The following PPM1E variants were observed in gnomAD, a reference collection of about 807,000 sequenced individuals.
The protein encoded by PPM1E is protein phosphatase, Mg2+/Mn2+ dependent 1E, also known as protein phosphatase 1E.
In PPM1E, 20 loss-of-function variants were observed where a neutral mutation model predicts 65.9. The ratio of observed to expected loss-of-function variants is 0.30; its 90% confidence interval spans 0.21 to 0.44. The LOEUF (loss-of-function observed/expected upper bound fraction) is 0.44. Ranked by LOEUF, PPM1E falls within the 20% of genes least tolerant of loss-of-function variation. PPM1E has a pLI of 1.00. For synonymous variants in PPM1E, 352 were observed against 374.9 expected (o/e 0.94, Z 0.70); for missense variants, 713 against 953.1 (o/e 0.75, Z 3.32).
chr17:58,905,045 AC>A (rs2051542093), intron 1 of PPM1E, among the ~76,000 whole-genome samples: 1 of 150,666 alleles, frequency 6.6e-6, no homozygotes, highest in African/African-American at 2.4e-5. Flanking sequence ...CAAACAAACA[AC>A]AAAAAACAAC....
intron 1 of PPM1E, among the ~76,000 whole-genome samples, chr17:58,866,498 G>A (rs1465374223): frequency 5.9e-5 from 9 of 152,170 alleles, no homozygotes; most frequent in African/African-American, 1.9e-4. Context: ...ACGCCTTAGC[G>A]GCAACTGTTT....
chr17:58,767,890 C>T (rs2049898400), intron 1 of PPM1E, among the ~76,000 whole-genome samples: 1 of 152,056 alleles, frequency 6.6e-6, no homozygotes, highest in South Asian at 2.1e-4. Context: ...GATCCGCCCA[C>T]CTCGGCCTCC....
rs2049767030 is a variant in PPM1E, at chr17:58,756,556, C to G, written c.464+95C>G. 4.9e-6 allele frequency: 6 copies of G among 1,214,930 alleles called. No individual in the cohort carries two copies. The South Asian group carries it at 2.0e-4, about 41-fold the overall frequency. 75.3% of individuals were successfully genotyped at this position (1,214,930 alleles called of 1,614,324 possible). Reference sequence around the variant, plus strand: ...TCGGCCCCTCAAACTGCTCTCTTTTCTGCTCCTCTCCCCCGCACCCGCGCC... The same window carrying G: ...TCGGCCCCTCAAACTGCTCTCTTTTGTGCTCCTCTCCCCCGCACCCGCGCC... On this transcript the variant is annotated intron_variant, in intron 1 of 6. Transcript: ENST00000308249.
At chr17:58,899,666 G>A (rs1384056295) in intron 1 of PPM1E, 2 of 213,092 alleles carry the variant, frequency 9.4e-6, no homozygotes, top group Admixed American at 4.2e-5. Context: ...AGATGTCATC[G>A]AAGAGTACTT....
intron 1 of PPM1E, among the ~76,000 whole-genome samples, chr17:58,808,763 A>G (rs2050338437): frequency 6.6e-6 from 1 of 152,138 alleles, no homozygotes; most frequent in African/African-American, 2.4e-5. Context: ...TGTCACCCTA[A>G]AAAGAAAGCT....
chr17:58,960,897 G>A (rs2030011979), intron 2 of PPM1E, among the ~76,000 whole-genome samples: 1 of 151,960 alleles, frequency 6.6e-6, no homozygotes, highest in African/African-American at 2.4e-5. Context: ...ACATAAAAAG[G>A]ATTTAAATTT....
intron 1 of PPM1E, among the ~76,000 whole-genome samples, chr17:58,815,455 A>G (rs141974054): frequency 6.6e-6 from 1 of 152,346 alleles, no homozygotes; most frequent in African/African-American, 2.4e-5. Flanking sequence ...CTGTCATTGC[A>G]TCATTCTTGA....
intron 4 of PPM1E, 137 bp downstream of exon 4, chr17:58,969,864 G>A (rs1259337907): frequency 1.2e-6 from 1 of 821,838 alleles, no homozygotes; most frequent in Non-Finnish European, 1.9e-6. Flanking sequence ...CACAGTATTG[G>A]ATTCTGTTGT....
intron 1 of PPM1E, among the ~76,000 whole-genome samples, chr17:58,828,619 T>A (rs1320446174): frequency 6.6e-6 from 1 of 151,750 alleles, no homozygotes; most frequent in Admixed American, 6.6e-5. Flanking sequence ...CATGCACCAC[T>A]ACGCCAGGCT....
chr17:58,973,421 A>T (rs1490879935), intron 6 of PPM1E, among the ~76,000 whole-genome samples: 2 of 151,936 alleles, frequency 1.3e-5, no homozygotes, highest in Admixed American at 6.6e-5. Context: ...TCTCAAAAAA[A>T]AAAAAAAAGA....
intron 1 of PPM1E, among the ~76,000 whole-genome samples, chr17:58,824,860 G>A (rs552753633): frequency 2.0e-5 from 3 of 151,008 alleles, no homozygotes; most frequent in South Asian, 4.2e-4. Context: ...CGCCCGCCTC[G>A]GCCTCCCAAA....
intron 6 of PPM1E, among the ~76,000 whole-genome samples, chr17:58,973,951 CAAAAAAAAAAAA>C (rs34819561): frequency 2.0e-4 from 11 of 55,468 alleles, no homozygotes; most frequent in Non-Finnish European, 1.6e-4. Flanking sequence ...GACTCCATCT[CAAAAAAAAAAAA>C]AAAAAAAAAA....
At chr17:58,974,815 T>C (rs1193349738) in intron 6 of PPM1E, among the ~76,000 whole-genome samples, 1 of 152,282 alleles carries the variant, frequency 6.6e-6, no homozygotes, top group South Asian at 2.1e-4. Context: ...TCCCACTCTT[T>C]GGGAAGGTGC....
intron 1 of PPM1E, among the ~76,000 whole-genome samples, chr17:58,896,132 AAAAAG>A (rs2051413014): frequency 6.6e-6 from 1 of 151,660 alleles, no homozygotes; most frequent in African/African-American, 2.4e-5. Context: ...AAAGAAAAAG[AAAAAG>A]AAAAAGCGAA....
chr17:58,820,057 AATAAG>A (rs2050464521), intron 1 of PPM1E, among the ~76,000 whole-genome samples: 2 of 152,090 alleles, frequency 1.3e-5, no homozygotes, highest in African/African-American at 4.8e-5. Flanking sequence ...TAAATAAATA[AATAAG>A]ATAAATAAAT....
chr17:58,821,630 A>G (rs2050481303), intron 1 of PPM1E, among the ~76,000 whole-genome samples: 1 of 152,244 alleles, frequency 6.6e-6, no homozygotes, highest in Non-Finnish European at 1.5e-5. Flanking sequence ...TATAATAGAA[A>G]GAATTCCTTT....
intron 1 of PPM1E, among the ~76,000 whole-genome samples, chr17:58,909,560 A>G (rs975208448): frequency 6.6e-6 from 1 of 152,024 alleles, no homozygotes; most frequent in African/African-American, 2.4e-5. Context: ...TTTGCTTTTG[A>G]AGGAATATTG....
Position 58,757,998 on chromosome 17 carries a change from C to G in PPM1E, c.464+1537C>G, listed in dbSNP as rs576271427. 5.3e-5 allele frequency among the ~76,000 whole-genome samples: 8 copies of G among 152,130 alleles called. No homozygotes were observed. The East Asian group carries it at 1.5e-3, about 29-fold the overall frequency. On this transcript the variant is annotated intron_variant, in intron 1 of 6. Transcript: ENST00000308249. ...TTTTACAGTATTTAAAGATAAAGCT[C>G]CCTGCTTAAAATAAAATGGAAATGT...
intron 1 of PPM1E, among the ~76,000 whole-genome samples, chr17:58,861,339 C>G (rs898099363): frequency 2.0e-5 from 3 of 152,160 alleles, no homozygotes; most frequent in African/African-American, 7.2e-5. Context: ...CAAAGGATGA[C>G]CTTCTCCATC....
Sources: gnomAD v4.1 joint callset for allele counts (sites outside exome capture counted in the v4.1 genomes callset) on GRCh38, gnomAD v4.1.1 for gene constraint, MANE v1.5 for transcripts, NCBI Gene and HGNC (gene_info 2026-07-23, HGNC 2026-07-21) for gene names.